The following RBMS2 variants were observed in gnomAD, a reference collection of about 807,000 sequenced individuals.
The protein encoded by RBMS2 is RNA-binding motif, single-stranded-interacting protein 2.
Under a neutral mutation model 58.4 loss-of-function variants are expected in RBMS2, and 38 were observed. The ratio of observed to expected loss-of-function variants is 0.65; its 90% CI spans 0.50 to 0.85. RBMS2 has a LOEUF of 0.85. Among genes scored for constraint, RBMS2 ranks in the 40% least tolerant of loss-of-function variants. The pLI is 0.00. For missense variants in RBMS2, 367 were observed against 503.7 expected (o/e 0.73, Z 2.60); for synonymous variants, 151 against 180.7 (o/e 0.84, Z 1.32).
chr12:56,539,015 C>CT lies in RBMS2; in HGVS notation c.66+16944dup, dbSNP rs10605730. On this transcript the variant is annotated intron_variant, in intron 1 of 13. Coordinates refer to ENST00000262031, the MANE Select transcript of RBMS2 (RefSeq NM_002898.4). ...GTTAGTTATATAAAATTCAGAAATT[C>CT]TTTTTTTTTTTTTTTTTTGAGACAG... Among the ~76,000 whole-genome samples the CT allele has an allele frequency of 9.8e-3, 1,410 of 144,192 alleles. 13 individuals are homozygous for CT. Among genetic ancestry groups the CT allele is most frequent in the Non-Finnish European group, 0.013 (853 of 66,124 alleles). 94.6% of individuals were successfully genotyped at this position (144,192 alleles called of 152,430 possible).
chr12:56,555,548 A>G (rs147396664), intron 1 of RBMS2, among the ~76,000 whole-genome samples: 2,208 of 151,566 alleles, frequency 0.015, 25 homozygotes, highest in Middle Eastern at 0.038. Context: ...TGAGGCTAGG[A>G]GTTCAAGATC....
chr12:56,550,972 G>C (rs1243375731), intron 1 of RBMS2, among the ~76,000 whole-genome samples: 1 of 151,788 alleles, frequency 6.6e-6, no homozygotes, highest in Non-Finnish European at 1.5e-5. Flanking sequence ...TTAGAAATCA[G>C]CCAGGTATGG....
intron 1 of RBMS2, among the ~76,000 whole-genome samples, chr12:56,543,607 C>G (rs1189608775): frequency 6.6e-6 from 1 of 150,576 alleles, no homozygotes; most frequent in African/African-American, 2.4e-5. Flanking sequence ...CCCGCCTCGG[C>G]CTCCCAAAGT....
At chr12:56,521,039 C>T (rs955298222), upstream of RBMS2, among the ~76,000 whole-genome samples, 2 of 152,166 alleles carry the variant, frequency 1.3e-5, no homozygotes, top group African/African-American at 4.8e-5. Context: ...CCAAGAGAAA[C>T]ACATCTAAGG....
chr12:56,525,657 TAA>T (rs2136229940), intron 1 of RBMS2, among the ~76,000 whole-genome samples: 1 of 151,640 alleles, frequency 6.6e-6, no homozygotes, highest in Non-Finnish European at 1.5e-5. Context: ...CTTTTATATA[TAA>T]CTTTTTTGTT....
chr12:56,590,880 C>T lies in RBMS2; in HGVS notation c.*1747C>T, dbSNP rs1236216599. ...CCCTTTGCCCAGGGAACCAGGACATCAGAAATAATGTTCCTTCTGTGGAAG... is the reference window on the plus strand; with the variant it reads ...CCCTTTGCCCAGGGAACCAGGACATTAGAAATAATGTTCCTTCTGTGGAAG... On this transcript the variant is annotated 3_prime_UTR_variant, in exon 14 of 14. Coordinates refer to ENST00000262031, the MANE Select transcript of RBMS2 (RefSeq NM_002898.4). 6.6e-6 allele frequency: 1 copy of T among 152,132 alleles called. No homozygotes were observed. The highest frequency in any genetic ancestry group is 1.5e-5 in the Non-Finnish European group (1 of 68,056). 9.4% of individuals were successfully genotyped at this position (152,132 alleles called of 1,614,324 possible).
At chr12:56,535,691 C>A (rs933672716) in intron 1 of RBMS2, among the ~76,000 whole-genome samples, 7 of 152,004 alleles carry the variant, frequency 4.6e-5, no homozygotes, top group African/African-American at 1.7e-4. Flanking sequence ...TTAAACAGAG[C>A]TCCTGCCTGC....
At chr12:56,588,124 A>C (rs1020002132) in intron 11 of RBMS2, among the ~76,000 whole-genome samples, 170 bp from the exon 12 acceptor site, 46 of 152,224 alleles carry the variant, frequency 3.0e-4, no homozygotes, top group African/African-American at 8.2e-4. Flanking sequence ...TCTCCCTAAC[A>C]GTGTACTTTA....
intron 5 of RBMS2, among the ~76,000 whole-genome samples, chr12:56,576,231 G>C: frequency 6.6e-6 from 1 of 152,012 alleles, no homozygotes; most frequent in African/African-American, 2.4e-5. Context: ...CAGGTACTCG[G>C]GAGGCTGAGG....
At chr12:56,572,920 A>G (rs1882531810) in intron 5 of RBMS2, 1 of 985,276 alleles carries the variant, frequency 1.0e-6, no homozygotes, top group Non-Finnish European at 1.2e-6. Context: ...CTATACCTGC[A>G]GTTTTCCCAG....
Position 56,586,943 on chromosome 12 carries a change from G to A in RBMS2, c.951+17G>A. On this transcript the variant is annotated intron_variant, in intron 10 of 13. Transcript: ENST00000262031. ...CAGCCTTCAGTGAGTATTCAGAAGTGGGCAGAAGCCAAAGAGGCAATTTGA... is the reference window on the plus strand; with the variant it reads ...CAGCCTTCAGTGAGTATTCAGAAGTAGGCAGAAGCCAAAGAGGCAATTTGA... 1 of 1,606,282 alleles carries A rather than the reference G, an allele frequency of 6.2e-7. No individual in the cohort carries two copies. The highest frequency in any genetic ancestry group is 8.5e-7 in the Non-Finnish European group (1 of 1,172,998).
intron 1 of RBMS2, among the ~76,000 whole-genome samples, chr12:56,556,578 G>T (rs572652292): frequency 6.6e-6 from 1 of 151,946 alleles, no homozygotes; most frequent in Non-Finnish European, 1.5e-5. Flanking sequence ...GTTTCACAAC[G>T]TTGGCCAGAC....
At position 56,595,475 on chromosome 12, in the gene RBMS2, C is replaced by A. The variant is rs1482442296; in HGVS notation, c.*6342C>A. On this transcript the variant is annotated 3_prime_UTR_variant, in exon 14 of 14. Coordinates refer to ENST00000262031, the MANE Select transcript of RBMS2 (RefSeq NM_002898.4). ...ACTCTTCCCACATCTATGCCAATGC[C>A]ACCATTCTAAAACTTACACTCCTTT... The A allele has an allele frequency of 6.6e-6, 1 of 152,156 alleles. No individual in the cohort carries two copies. Among genetic ancestry groups the A allele is most frequent in the Non-Finnish European group, 1.5e-5 (1 of 68,030 alleles). 9.4% of individuals were successfully genotyped at this position (152,156 alleles called of 1,614,324 possible).
Position 56,595,973 on chromosome 12 carries a change from C to G in RBMS2, c.*6840C>G, listed in dbSNP as rs1195397839. 1.3e-5 allele frequency: 2 copies of G among 152,638 alleles called. No homozygotes were observed. Among genetic ancestry groups the G allele is most frequent in the Non-Finnish European group, 2.9e-5 (2 of 68,040 alleles). The allele number at this position is 152,638 out of a possible 1,614,324, so 9.5% of individuals were successfully genotyped here. ...TTTTTTATTCAACAACTGACAAGCA[C>G]TTTTCTACAGCTGCACTTGTGGAAC... On this transcript the variant is annotated 3_prime_UTR_variant, in exon 14 of 14. Transcript: ENST00000262031.
chr12:56,529,855 T>C (rs955519085), intron 1 of RBMS2, among the ~76,000 whole-genome samples: 1 of 152,132 alleles, frequency 6.6e-6, no homozygotes, highest in East Asian at 1.9e-4. Context: ...GATAATGAAA[T>C]GTTCTAAAAT....
At chr12:56,549,863 A>G (rs2694907) in intron 1 of RBMS2, among the ~76,000 whole-genome samples, 80,153 of 151,760 alleles carry the variant, frequency 0.53, 23,735 homozygotes, top group East Asian at 0.72. Flanking sequence ...CCCCGTCTCT[A>G]CTAAAAATAC....
rs574325033 is a variant in RBMS2 at position 56,570,663 on chromosome 12, C to T, written c.384+673C>T. On this transcript the variant is annotated intron_variant, in intron 4 of 13. Transcript: ENST00000262031. ...CGCAATCTCGGCTCACTGCAAGCTG[C>T]ACCTCCCGGCTTCACGCCATTCTCC... is the stretch of plus-strand genomic sequence containing the variant. 2.3e-4 allele frequency among the ~76,000 whole-genome samples: 35 copies of T among 152,332 alleles called. 1 individual carries two copies. The East Asian group carries it at 5.4e-3, about 23-fold the overall frequency.
rs189171870 is a variant in RBMS2, at chr12:56,528,521, C to T, written c.66+6432C>T. Among the ~76,000 whole-genome samples, 443 of 152,114 alleles carry T rather than the reference C, an allele frequency of 2.9e-3. 2 individuals carry two copies. Among genetic ancestry groups the T allele is most frequent in the Non-Finnish European group, 1.9e-3 (131 of 68,002 alleles). The stretch of plus-strand genomic sequence containing the variant: ...TAGAAAGTAGGCAAAACATCTGAAT[C>T]GATGTTTATCCACAGGCTCTATGGC... On this transcript the variant is annotated intron_variant, in intron 1 of 13. Transcript: ENST00000262031.
chr12:56,578,217 C>G (rs1435957890), intron 5 of RBMS2, among the ~76,000 whole-genome samples: 1 of 152,082 alleles, frequency 6.6e-6, no homozygotes, highest in African/African-American at 2.4e-5. Flanking sequence ...TAAACTCCGC[C>G]TCCCGGGTTC....
Sources: gnomAD v4.1 joint callset for allele counts (sites outside exome capture counted in the v4.1 genomes callset) on GRCh38, gnomAD v4.1.1 for gene constraint, MANE v1.5 for transcripts, NCBI Gene and HGNC (gene_info 2026-07-23, HGNC 2026-07-21) for gene names.